Variants in MRAP2 observed in about 807,000 individuals in gnomAD.
MRAP2 encodes melanocortin 2 receptor accessory protein 2.
In MRAP2, 20 loss-of-function variants were observed where a neutral mutation model predicts 17.4. That is an observed-to-expected ratio of 1.15 (90% CI 0.81 to 1.67). MRAP2 has a LOEUF of 1.67. Ranked by LOEUF, MRAP2 falls within the 40% of genes most tolerant of loss-of-function variation. The pLI is 0.00. For missense variants in MRAP2, 238 were observed against 240.0 expected, an observed-to-expected ratio of 0.99 and a Z score of 0.05; for synonymous variants, 96 against 88.4, an observed-to-expected ratio of 1.09 and a Z score of -0.48.
At chr6:84,104,391 C>T in the MRAP2 span, among the ~76,000 whole-genome samples, 3 of 152,294 alleles carry the variant, frequency 2.0e-5, no homozygotes, top group African/African-American at 4.8e-5. Context: ...GATAAAAATT[C>T]GGCTCCTCAT....
the MRAP2 span, among the ~76,000 whole-genome samples, chr6:84,097,073 T>A: frequency 6.6e-6 from 1 of 152,228 alleles, no homozygotes; most frequent in Non-Finnish European, 1.5e-5. Flanking sequence ...GTTACTTCTC[T>A]GTTCAAAATC....
intron 3 of MRAP2, chr6:84,063,331 C>T (rs1035498753): frequency 3.0e-6 from 3 of 984,914 alleles, no homozygotes; most frequent in African/African-American, 1.7e-5. Context: ...GATGATTCAC[C>T]ATATTAAAAA....
the MRAP2 span, among the ~76,000 whole-genome samples, chr6:84,098,007 T>C: frequency 1.3e-5 from 2 of 152,178 alleles, no homozygotes; most frequent in Admixed American, 6.5e-5. Context: ...AAGTGCACAA[T>C]TTAATACATT....
In MRAP2 at chr6:84,089,382, C is replaced by A; in HGVS notation, c.519C>A (p.Asp173Glu). 2 of 1,614,182 alleles carry A rather than the reference C, an allele frequency of 1.2e-6. 1 individual carries two copies. Among genetic ancestry groups the A allele is most frequent in the South Asian group, 2.2e-5 (2 of 91,080 alleles). The change falls in exon 4 of 4, where the codon GAC becomes GAA. Residue 173 changes from aspartate (D) to glutamate (E), a missense_variant. Coordinates refer to ENST00000257776, the MANE Select transcript of MRAP2 (RefSeq NM_138409.4). ...KFDIPNFVNT[D>E]QNYFGEDDLL... ...ACATCCCCAACTTTGTGAACACAGACCAGAACTACTTTGGGGAGGATGATC... is the reference window on the plus strand; with the variant it reads ...ACATCCCCAACTTTGTGAACACAGAACAGAACTACTTTGGGGAGGATGATC...
At chr6:84,095,015 A>G (rs2099502427), downstream of MRAP2, among the ~76,000 whole-genome samples, 1 of 152,102 alleles carries the variant, frequency 6.6e-6, no homozygotes, top group South Asian at 2.1e-4. Context: ...CCAACTCCAC[A>G]TTTTTAGTTG....
chr6:84,117,463 T>C, the MRAP2 span, among the ~76,000 whole-genome samples: 34 of 152,296 alleles, frequency 2.2e-4, no homozygotes, highest in East Asian at 6.6e-3. Context: ...ATCTCTTCTT[T>C]GTACCTCTGG....
chr6:84,058,591 A>G (rs779343938), intron 2 of MRAP2, among the ~76,000 whole-genome samples: 5 of 152,208 alleles, frequency 3.3e-5, no homozygotes, highest in Non-Finnish European at 5.9e-5. Flanking sequence ...GAGAGTCATC[A>G]GCATGTAAAC....
chr6:84,050,562 C>T (rs777201324), intron 1 of MRAP2, among the ~76,000 whole-genome samples: 7 of 152,216 alleles, frequency 4.6e-5, no homozygotes, highest in African/African-American at 9.6e-5. Flanking sequence ...ACCTTGGGCT[C>T]ATCAGCCACC....
chr6:84,124,101 C>T, the MRAP2 span: 25 of 152,116 alleles, frequency 1.6e-4, no homozygotes, highest in African/African-American at 5.3e-4. Flanking sequence ...AACATGAATA[C>T]TCTCTTGGTG....
intron 3 of MRAP2, among the ~76,000 whole-genome samples, chr6:84,072,420 C>T (rs2497143): frequency 0.29 from 44,532 of 152,070 alleles, 8,140 homozygotes; most frequent in African/African-American, 0.52. Flanking sequence ...AGTCCTGTGA[C>T]GAGAATCGTT....
At chr6:84,076,491 TG>T (rs1425398829) in intron 3 of MRAP2, among the ~76,000 whole-genome samples, 3 of 152,074 alleles carry the variant, frequency 2.0e-5, no homozygotes, top group Non-Finnish European at 4.4e-5. Context: ...CCCAAAGTGC[TG>T]GGATTACAGG....
chr6:84,042,238 C>T (rs1028259739), intron 1 of MRAP2, among the ~76,000 whole-genome samples: 1 of 152,148 alleles, frequency 6.6e-6, no homozygotes, highest in African/African-American at 2.4e-5. Context: ...CTGTAAGTTT[C>T]CTGAGGCCTT....
At chr6:84,047,623 T>C (rs1190111147) in intron 1 of MRAP2, among the ~76,000 whole-genome samples, 1 of 152,246 alleles carries the variant, frequency 6.6e-6, no homozygotes, top group Non-Finnish European at 1.5e-5. Flanking sequence ...GTACAACCAT[T>C]ACAACTATCC....
the MRAP2 span, among the ~76,000 whole-genome samples, chr6:84,134,929 C>T: frequency 3.6e-4 from 54 of 149,056 alleles, 1 homozygote; most frequent in African/African-American, 1.4e-3. Flanking sequence ...TACACACACA[C>T]ACACACACAC....
At chr6:84,099,806 T>C in the MRAP2 span, among the ~76,000 whole-genome samples, 2 of 152,206 alleles carry the variant, frequency 1.3e-5, no homozygotes, top group African/African-American at 4.8e-5. Flanking sequence ...AGGTATTCCT[T>C]TGTACTAATG....
chr6:84,112,859 C>G, the MRAP2 span, among the ~76,000 whole-genome samples: 1 of 152,130 alleles, frequency 6.6e-6, no homozygotes, highest in African/African-American at 2.4e-5. Flanking sequence ...TTGTTATTTA[C>G]CCAGTAGTCA....
chr6:84,130,784 T>G, the MRAP2 span, among the ~76,000 whole-genome samples: 1 of 152,212 alleles, frequency 6.6e-6, no homozygotes, highest in South Asian at 2.1e-4. Context: ...GTCTATTTTG[T>G]TGATCTTTTC....
the MRAP2 span, among the ~76,000 whole-genome samples, chr6:84,125,963 AATTT>A: frequency 2.0e-5 from 3 of 152,284 alleles, no homozygotes; most frequent in Middle Eastern, 3.4e-3. Flanking sequence ...AACTTCTATT[AATTT>A]ATCTGTTTAT....
At chr6:84,107,726 C>A in the MRAP2 span, among the ~76,000 whole-genome samples, 35 of 152,152 alleles carry the variant, frequency 2.3e-4, no homozygotes, top group Middle Eastern at 3.2e-3. Context: ...TATTGCTGGC[C>A]TTACCAGCTG....
Sources: allele counts gnomAD v4.1 joint callset (sites outside exome capture counted in the v4.1 genomes callset), GRCh38; gene constraint gnomAD v4.1.1; transcripts MANE v1.5; gene names NCBI Gene and HGNC (gene_info 2026-07-23, HGNC 2026-07-21).